The following SORCS3 variants were observed in gnomAD, a reference collection of about 807,000 sequenced individuals.
The protein encoded by SORCS3 is sortilin related VPS10 domain containing receptor 3.
A neutral mutation model predicts 146.3 loss-of-function variants in SORCS3; 57 were observed. That is an observed-to-expected ratio of 0.39 (90% confidence interval 0.31 to 0.49). The LOEUF is 0.49. Among genes scored for constraint, SORCS3 ranks in the 20% least tolerant of loss-of-function variants. The pLI is 0.92. For missense variants in SORCS3, 1,341 were observed against 1,575.5 expected (o/e 0.85, Z 2.52); for synonymous variants, 653 against 618.5 (o/e 1.06, Z -0.83).
At chr10:105,138,756 C>G (rs562677212) in intron 7 of SORCS3, among the ~76,000 whole-genome samples, 1 of 152,226 alleles carries the variant, frequency 6.6e-6, no homozygotes, top group Admixed American at 6.5e-5. Flanking sequence ...GCCTTCTAGC[C>G]AGAGATAACA....
chr10:105,133,107 G>A (rs1237144422), intron 7 of SORCS3, among the ~76,000 whole-genome samples: 1 of 152,150 alleles, frequency 6.6e-6, no homozygotes, highest in African/African-American at 2.4e-5. Context: ...TGAGGACTCT[G>A]CCCCTGAAGG....
In SORCS3 at chr10:105,123,108, A is replaced by G. The variant is rs544228655; in HGVS notation, c.1213-16289A>G. On this transcript the variant is annotated intron_variant, in intron 7 of 26. Coordinates refer to ENST00000369701, the MANE Select transcript of SORCS3 (RefSeq NM_014978.3). ...AGGCAAAACTGTTGAAGACATTCCA[A>G]TATATAAAATAGATACAGTTAGAAG... Among the ~76,000 whole-genome samples, 82 of 152,384 alleles carry G rather than the reference A, an allele frequency of 5.4e-4. 1 individual carries two copies. The highest frequency in any genetic ancestry group is 1.0e-3 in the Non-Finnish European group (68 of 68,036).
intron 1 of SORCS3, among the ~76,000 whole-genome samples, chr10:104,670,646 C>T (rs1367916705): frequency 6.6e-6 from 1 of 152,028 alleles, no homozygotes; most frequent in Non-Finnish European, 1.5e-5. Flanking sequence ...TTTTTCAGGA[C>T]CGTTTTAGCT....
At chr10:104,924,354 C>G (rs996058475) in intron 3 of SORCS3, among the ~76,000 whole-genome samples, 1 of 152,180 alleles carries the variant, frequency 6.6e-6, no homozygotes, top group East Asian at 1.9e-4. Flanking sequence ...TGATAGAGAA[C>G]CTTGACTGAG....
chr10:104,987,194 G>T (rs2054967234), intron 4 of SORCS3, among the ~76,000 whole-genome samples: 1 of 151,946 alleles, frequency 6.6e-6, no homozygotes, highest in Admixed American at 6.6e-5. Flanking sequence ...CGGAACGAAA[G>T]AAGGAAGGAA....
At chr10:104,780,816 C>T (rs1311735582) in intron 1 of SORCS3, among the ~76,000 whole-genome samples, 2 of 152,182 alleles carry the variant, frequency 1.3e-5, no homozygotes, top group African/African-American at 2.4e-5. Context: ...AGATGATCCT[C>T]TTCTTTCAGG....
chr10:105,162,888 A>G (rs1329700455), intron 11 of SORCS3, among the ~76,000 whole-genome samples: 3 of 152,110 alleles, frequency 2.0e-5, no homozygotes, highest in Non-Finnish European at 4.4e-5. Context: ...TCACCACCAC[A>G]TTCTATTCTG....
chr10:105,246,030 T>C (rs2056864437), intron 21 of SORCS3, among the ~76,000 whole-genome samples: 1 of 152,214 alleles, frequency 6.6e-6, no homozygotes, highest in Non-Finnish European at 1.5e-5. Flanking sequence ...GGAGTCATGA[T>C]CCCTGCCTTG....
At chr10:104,803,992 G>T (rs1474411687) in intron 1 of SORCS3, among the ~76,000 whole-genome samples, 2 of 152,192 alleles carry the variant, frequency 1.3e-5, no homozygotes, top group Non-Finnish European at 2.9e-5. Flanking sequence ...ACCCAAGTCA[G>T]CCCTGGAGAA....
intron 4 of SORCS3, among the ~76,000 whole-genome samples, chr10:104,984,804 TAA>T (rs2054952799): frequency 6.6e-6 from 1 of 152,214 alleles, no homozygotes; most frequent in Admixed American, 6.6e-5. Context: ...CCCATGCGTA[TAA>T]AAGTTATTTT....
chr10:105,161,122 C>A (rs1404457198), intron 11 of SORCS3, among the ~76,000 whole-genome samples: 1 of 152,170 alleles, frequency 6.6e-6, no homozygotes, highest in Admixed American at 6.5e-5. Flanking sequence ...CCATATGTAT[C>A]AGAATTGCTA....
At chr10:105,038,215 T>A (rs2055318468) in intron 4 of SORCS3, among the ~76,000 whole-genome samples, 1 of 152,248 alleles carries the variant, frequency 6.6e-6, no homozygotes, top group Non-Finnish European at 1.5e-5. Context: ...GAACATGGCC[T>A]CATTTATGTA....
At chr10:105,154,069 GAAAAAA>G (rs59868914) in intron 9 of SORCS3, among the ~76,000 whole-genome samples, 4 of 76,146 alleles carry the variant, frequency 5.3e-5, no homozygotes, top group South Asian at 1.1e-3. Flanking sequence ...GACTCCATCT[GAAAAAA>G]AAAAAAAAAA....
chr10:104,955,782 T>G (rs1389801798), intron 3 of SORCS3, among the ~76,000 whole-genome samples: 1 of 152,174 alleles, frequency 6.6e-6, no homozygotes, highest in East Asian at 1.9e-4. Flanking sequence ...CTGGCTGGGT[T>G]CATAAATGCA....
intron 1 of SORCS3, among the ~76,000 whole-genome samples, chr10:104,839,134 A>G (rs774822552): frequency 7.3e-4 from 111 of 152,356 alleles, no homozygotes; most frequent in Non-Finnish European, 1.3e-3. Flanking sequence ...AAGAACCTTC[A>G]ATATGCTGAG....
chr10:105,002,548 C>T (rs10400142), intron 4 of SORCS3, among the ~76,000 whole-genome samples: 37,179 of 152,148 alleles, frequency 0.24, 6,510 homozygotes, highest in African/African-American at 0.5. Flanking sequence ...TCTAGACACA[C>T]GTGGCTGTAA....
chr10:104,778,763 T>A (rs1434734599), intron 1 of SORCS3, among the ~76,000 whole-genome samples: 2 of 152,182 alleles, frequency 1.3e-5, no homozygotes, highest in Non-Finnish European at 2.9e-5. Context: ...GGGCATATTG[T>A]AGGTACTTGG....
intron 3 of SORCS3, among the ~76,000 whole-genome samples, chr10:104,931,651 C>T (rs772106003): frequency 4.6e-5 from 7 of 152,178 alleles, no homozygotes; most frequent in Non-Finnish European, 1.0e-4. Context: ...TCTAGAAAGG[C>T]TCCAGAAAGA....
chr10:104,774,470 A>C (rs1487007209), intron 1 of SORCS3, among the ~76,000 whole-genome samples: 6 of 152,208 alleles, frequency 3.9e-5, no homozygotes, highest in South Asian at 2.1e-4. Context: ...GGTGTCTGCC[A>C]TGTGTTGATT....
Sources: gnomAD v4.1 joint callset for allele counts (sites outside exome capture counted in the v4.1 genomes callset) on GRCh38, gnomAD v4.1.1 for gene constraint, MANE v1.5 for transcripts, NCBI Gene and HGNC (gene_info 2026-07-23, HGNC 2026-07-21) for gene names.